SHISA9: variants seen among roughly 807,000 people sequenced by gnomAD.
The protein encoded by SHISA9 is protein shisa-9.
Under a neutral mutation model 38.0 loss-of-function variants are expected in SHISA9, and 13 were observed. That is an observed-to-expected ratio of 0.34 (90% CI 0.22 to 0.54). The LOEUF is 0.54. Among genes scored for constraint, SHISA9 ranks in the 20% least tolerant of loss-of-function variants. The pLI is 0.91. For synonymous variants in SHISA9, 275 were observed against 242.0 expected (o/e 1.14, Z -1.27); for missense variants, 538 against 575.8 (o/e 0.93, Z 0.67).
intron 1 of SHISA9, among the ~76,000 whole-genome samples, chr16:12,907,460 A>T (rs2071117780): frequency 6.6e-6 from 1 of 151,516 alleles, no homozygotes; most frequent in Admixed American, 6.6e-5. Flanking sequence ...CAGACATGAC[A>T]CTTAGTCCCT....
At chr16:13,035,270 A>AT (rs1379218940) in intron 2 of SHISA9, among the ~76,000 whole-genome samples, 2 of 152,130 alleles carry the variant, frequency 1.3e-5, no homozygotes, top group African/African-American at 2.4e-5. Flanking sequence ...CACTAGCTCT[A>AT]TTTTTTGTAG....
the SHISA9 span, among the ~76,000 whole-genome samples, chr16:13,267,192 C>G: frequency 0.55 from 83,594 of 151,854 alleles, 23,382 homozygotes; most frequent in African/African-American, 0.62. Context: ...ACATCAAGAG[C>G]CTATAGAATT....
At chr16:13,149,465 T>G (rs1193954557) in intron 2 of SHISA9, among the ~76,000 whole-genome samples, 1 of 152,018 alleles carries the variant, frequency 6.6e-6, no homozygotes, top group East Asian at 1.9e-4. Context: ...AGGTTGGGGG[T>G]AGTATAGCGT....
At chr16:13,373,484 T>G in the SHISA9 span, among the ~76,000 whole-genome samples, 6 of 152,180 alleles carry the variant, frequency 3.9e-5, no homozygotes, top group Non-Finnish European at 7.3e-5. Flanking sequence ...GTGATGAGGC[T>G]GGGCGTGGTG....
At chr16:13,199,658 T>C (rs567213270) in intron 2 of SHISA9, among the ~76,000 whole-genome samples, 3 of 152,228 alleles carry the variant, frequency 2.0e-5, no homozygotes, top group Non-Finnish European at 4.4e-5. Flanking sequence ...CTTGACTTCA[T>C]GGCCTTTTCG....
intron 1 of SHISA9, among the ~76,000 whole-genome samples, chr16:12,915,757 G>A (rs918618076): frequency 4.6e-5 from 7 of 152,238 alleles, no homozygotes; most frequent in Non-Finnish European, 8.8e-5. Flanking sequence ...TAACACTCAC[G>A]TGTGAACAAA....
chr16:13,147,083 G>T (rs1011353771), intron 2 of SHISA9, among the ~76,000 whole-genome samples: 6 of 152,186 alleles, frequency 3.9e-5, no homozygotes, highest in Non-Finnish European at 5.9e-5. Flanking sequence ...AAATAAGAGG[G>T]ACTTATTGAG....
At chr16:13,469,410 AAAGAAAG>A in the SHISA9 span, among the ~76,000 whole-genome samples, 2 of 127,978 alleles carry the variant, frequency 1.6e-5, no homozygotes, top group Admixed American at 1.5e-4. Context: ...AGAAAGAAAG[AAAGAAAG>A]AAAGAAAAAG....
chr16:13,355,429 A>G, the SHISA9 span, among the ~76,000 whole-genome samples: 1 of 151,766 alleles, frequency 6.6e-6, no homozygotes, highest in Non-Finnish European at 1.5e-5. Context: ...GGGGGATACA[A>G]GAGGAGGACG....
At chr16:13,289,099 G>A in the SHISA9 span, among the ~76,000 whole-genome samples, 1 of 152,268 alleles carries the variant, frequency 6.6e-6, no homozygotes, top group South Asian at 2.1e-4. Flanking sequence ...AGTTAAGGAA[G>A]AGGAAGACTG....
intron 2 of SHISA9, among the ~76,000 whole-genome samples, chr16:13,047,362 C>T (rs767180964): frequency 2.0e-5 from 3 of 151,936 alleles, no homozygotes; most frequent in South Asian, 2.1e-4. Flanking sequence ...TCCTGGGAGC[C>T]TTTAGGGGCA....
chr16:13,034,306 G>A (rs1256802349), intron 2 of SHISA9, among the ~76,000 whole-genome samples: 1 of 152,128 alleles, frequency 6.6e-6, no homozygotes, highest in Non-Finnish European at 1.5e-5. Flanking sequence ...AGCACCATTA[G>A]CATCTCCTTG....
chr16:13,501,669 C>T, the SHISA9 span, among the ~76,000 whole-genome samples: 9 of 152,076 alleles, frequency 5.9e-5, no homozygotes, highest in Non-Finnish European at 1.0e-4. Context: ...ATGCTTGTGC[C>T]TAGAATGGTG....
chr16:13,229,432 C>A (rs1328270457), intron 4 of SHISA9, among the ~76,000 whole-genome samples: 2 of 152,118 alleles, frequency 1.3e-5, no homozygotes, highest in African/African-American at 4.8e-5. Context: ...AGTGATACTT[C>A]CCTTTAGTTC....
chr16:13,257,381 A>G, the SHISA9 span, among the ~76,000 whole-genome samples: 1 of 152,172 alleles, frequency 6.6e-6, no homozygotes, highest in Middle Eastern at 3.2e-3. Context: ...TCTGATCACT[A>G]AGATTGGTCT....
chr16:13,221,870 C>T (rs1482136043), intron 4 of SHISA9, among the ~76,000 whole-genome samples: 1 of 152,162 alleles, frequency 6.6e-6, no homozygotes, highest in Non-Finnish European at 1.5e-5. Flanking sequence ...ATATATTTGC[C>T]TGTTTTGGAT....
At chr16:13,016,291 C>T (rs535556951) in intron 2 of SHISA9, among the ~76,000 whole-genome samples, 2 of 152,142 alleles carry the variant, frequency 1.3e-5, no homozygotes, top group South Asian at 4.2e-4. Context: ...ATTTCTTTAG[C>T]TTCTCAGCCT....
the SHISA9 span, among the ~76,000 whole-genome samples, chr16:13,417,966 T>A: frequency 6.6e-6 from 1 of 152,248 alleles, no homozygotes. Context: ...CTAAACCCCA[T>A]CTCACATTTT....
chr16:13,124,317 A>G (rs204043), intron 2 of SHISA9, among the ~76,000 whole-genome samples: 121,681 of 152,090 alleles, frequency 0.8, 48,889 homozygotes, highest in South Asian at 0.89. Flanking sequence ...GCTTTCTGAA[A>G]CTGAGAGGAA....
Sources: gnomAD v4.1 joint callset for allele counts (sites outside exome capture counted in the v4.1 genomes callset) on GRCh38, gnomAD v4.1.1 for gene constraint, MANE v1.5 for transcripts, NCBI Gene and HGNC (gene_info 2026-07-23, HGNC 2026-07-21) for gene names.